The following MUC17 variants were observed in gnomAD, a reference collection of about 807,000 sequenced individuals.
The protein encoded by MUC17 is mucin-17.
Under a neutral mutation model 170.3 loss-of-function variants are expected in MUC17, and 190 were observed. The observed-to-expected ratio is 1.12, with a 90% CI of 0.99 to 1.26. MUC17 has a LOEUF of 1.26. MUC17 is among the 50% of genes most tolerant of loss of function. The probability of loss-of-function intolerance (pLI) is 0.00; values close to 1 mark genes in which losing one functional copy is unlikely to be tolerated. For synonymous variants in MUC17, 2,325 were observed against 2,002.5 expected, an observed-to-expected ratio of 1.16 and a Z score of -4.30; for missense variants, 6,415 against 5,530.0, an observed-to-expected ratio of 1.16 and a Z score of -5.08.
At position 101,056,206 on chromosome 7, in the gene MUC17, T is replaced by TCCA. The variant is rs1199846660; in HGVS notation, c.13379_13381dup (p.His4460dup). ...ATCCCTCCACAAGATGATGATTCCA[T>TCCA]CCACCTGGAGTCCATCTATAGTAAT... On this transcript the variant is annotated inframe_insertion, in exon 12 of 13. Coordinates refer to ENST00000306151, the MANE Select transcript of MUC17 (RefSeq NM_001040105.2). 2 of 1,613,878 alleles carry TCCA rather than the reference T, an allele frequency of 1.2e-6. No homozygotes were observed. Among genetic ancestry groups the TCCA allele is most frequent in the African/African-American group, 2.7e-5 (2 of 74,890 alleles).
In MUC17 at chr7:101,031,871, C is replaced by T. The variant is rs542185793; in HGVS notation, c.455C>T (p.Pro152Leu). Residue 152 changes from proline (P) to leucine (L), a missense_variant, in exon 3 of 13, where the codon CCA becomes CTA. Transcript: ENST00000306151. The part of the protein sequence containing the change: ...PEGTDVPMST[P>L]SEESISSTMA... ...GGCACCGACGTGCCCATGTCAACAC[C>T]AAGTGAAGAAAGCATTTCATCAACA... is the stretch of plus-strand genomic sequence containing the variant. 8.7e-6 allele frequency: 14 copies of T among 1,614,048 alleles called. No homozygotes were observed. In the Admixed American group the frequency reaches 2.2e-4, roughly 25 times the overall value.
rs775327460 is a variant in MUC17, at chr7:101,037,646, A to G, written c.6230A>G (p.Asn2077Ser). The stretch of plus-strand genomic sequence containing the variant: ...GTTGACTCCAAAACTCAGGTGACCA[A>G]TTCTACTGAAGCCAGTTCATCTGCA... ...TPVDSKTQVT[N>S]STEASSSATA... Residue 2077 changes from asparagine to serine, a missense_variant, in exon 3 of 13, where the codon AAT becomes AGT. Asn to Ser is a conservative substitution (Grantham distance 46). Transcript: ENST00000306151. The G allele has an allele frequency of 3.7e-6, 6 of 1,613,076 alleles. No individual in the cohort carries two copies.
rs547211487 is a variant in MUC17, at chr7:101,048,593, C to CA, written c.12536-244dup. On this transcript the variant is annotated intron_variant, in intron 4 of 12. Transcript: ENST00000306151. ...CCTGAGCAACAGAACAATACCCTGTCAAAAAAAAGAAAGAAGGAAGGAAGG... is the reference window on the plus strand; with the variant it reads ...CCTGAGCAACAGAACAATACCCTGTCAAAAAAAAAGAAAGAAGGAAGGAAGG... Among the ~76,000 whole-genome samples the CA allele has an allele frequency of 5.4e-3, 673 of 124,660 alleles. 5 individuals are homozygous for CA. Among genetic ancestry groups the CA allele is most frequent in the Middle Eastern group, 0.016 (4 of 248 alleles). The allele number at this position is 124,660 out of a possible 152,430, so 81.8% of individuals were successfully genotyped here.
At chr7:101,053,292 C>G in intron 10 of MUC17, 47 bp from the exon 11 acceptor site, 1 of 1,594,446 alleles carries the variant, frequency 6.3e-7, no homozygotes, top group Non-Finnish European at 8.6e-7. Context: ...GGTCCTTATT[C>G]CTGTTCCCCA....
In MUC17 at chr7:101,047,468, G is replaced by A. The variant is rs10281307; in HGVS notation, c.12404-516G>A. ...TTAGCCTCTCTCTGACTCACTTTGCGTATCTGTGAAGTGAGGATAATAGTA... is the reference window on the plus strand; with the variant it reads ...TTAGCCTCTCTCTGACTCACTTTGCATATCTGTGAAGTGAGGATAATAGTA... On this transcript the variant is annotated intron_variant, in intron 3 of 12. Transcript: ENST00000306151. 4.3e-3 allele frequency among the ~76,000 whole-genome samples: 652 copies of A among 152,270 alleles called. 6 individuals carry two copies. Among genetic ancestry groups the A allele is most frequent in the African/African-American group, 0.015 (623 of 41,554 alleles).
rs781068065 is a variant in MUC17, at chr7:101,039,393, C to T, written c.7977C>T (p.Asp2659=). Residue 2659 remains aspartate (D), a synonymous_variant, in exon 3 of 13, where the codon GAC becomes GAT. Transcript: ENST00000306151. ...GCACCCTTTCAACAACTCCTGTTGACACCAGGACACTTGTGACCACTTCCA... is the reference window on the plus strand; with the variant it reads ...GCACCCTTTCAACAACTCCTGTTGATACCAGGACACTTGTGACCACTTCCA... ...EASTLSTTPV[D]TRTLVTTSTG... is the part of the protein sequence containing the mutation. 4 of 1,611,734 alleles carry T rather than the reference C, an allele frequency of 2.5e-6. No homozygotes were observed. Among genetic ancestry groups the T allele is most frequent in the East Asian group, 4.5e-5 (2 of 44,808 alleles).
chr7:101,021,254 C>T (rs1050050637), intron 1 of MUC17, among the ~76,000 whole-genome samples: 2 of 140,154 alleles, frequency 1.4e-5, no homozygotes, highest in Non-Finnish European at 3.0e-5. Context: ...AGCGTGATGT[C>T]AGCCCACTGC....
intron 12 of MUC17, 32 bp downstream of exon 12, chr7:101,056,302 C>T (rs1795042033): frequency 6.2e-7 from 1 of 1,611,516 alleles, no homozygotes; most frequent in Admixed American, 1.7e-5. Flanking sequence ...TGCTGGCCTC[C>T]CCCAACCCTG....
chr7:101,043,652 C>T lies in MUC17; in HGVS notation c.12236C>T (p.Ala4079Val). Residue 4079 changes from alanine (A) to valine (V), a missense_variant, in exon 3 of 13, where the codon GCC becomes GTC. By Grantham distance (64) the Ala-to-Val change is moderately conservative. Coordinates refer to ENST00000306151, the MANE Select transcript of MUC17 (RefSeq NM_001040105.2). ...TCCAGTACACCTCCAACAACCTCTG[C>T]CTCCTCCACGACTGTGAACCCTGAG... ...AHSSTPPTTSASSTTVNPEAV... is the reference protein window; with the variant it reads ...AHSSTPPTTSVSSTTVNPEAV... 6.2e-7 allele frequency: 1 copy of T among 1,614,180 alleles called. No homozygotes were observed.
At position 101,040,216 on chromosome 7, in the gene MUC17, C is replaced by G; in HGVS notation, c.8800C>G (p.Leu2934Val). 5 of 1,611,490 alleles carry G rather than the reference C, an allele frequency of 3.1e-6. No individual in the cohort carries two copies. The highest frequency in any genetic ancestry group is 4.2e-6 in the Non-Finnish European group (5 of 1,179,252). Residue 2934 changes from leucine (L) to valine (V), a missense_variant, in exon 3 of 13, where the codon CTT becomes GTT. Leu to Val is a conservative substitution (Grantham distance 32). Transcript: ENST00000306151. ...SEVSTPLTSI[L>V]VSTVPVAGSE... ...AGTAAGTACTCCATTAACAAGTATA[C>G]TTGTCAGCACCGTGCCAGTGGCCGG...
chr7:101,030,295 T>C (rs997620255), intron 1 of MUC17, among the ~76,000 whole-genome samples: 6 of 151,348 alleles, frequency 4.0e-5, no homozygotes, highest in African/African-American at 1.5e-4. Context: ...TGATCTTGGC[T>C]CACTGCAACC....
In MUC17 at chr7:101,036,011, A is replaced by G; in HGVS notation, c.4595A>G (p.Asn1532Ser). ...ACAACAGTGGCCAGTTCTGAAATCAACAGCCTTTCAACAACTCCTGCTGTC... is the reference window on the plus strand; with the variant it reads ...ACAACAGTGGCCAGTTCTGAAATCAGCAGCCTTTCAACAACTCCTGCTGTC... ...STTTVASSEI[N>S]SLSTTPAVTS... Residue 1532 changes from asparagine (N) to serine (S), a missense_variant, in exon 3 of 13, where the codon AAC (asparagine) becomes AGC (serine). Coordinates refer to ENST00000306151, the MANE Select transcript of MUC17 (RefSeq NM_001040105.2). 1.2e-6 allele frequency: 2 copies of G among 1,611,364 alleles called. No individual in the cohort carries two copies. The highest frequency in any genetic ancestry group is 8.5e-7 in the Non-Finnish European group (1 of 1,178,472).
intron 9 of MUC17, 50 bp from the exon 10 acceptor site, chr7:101,052,936 G>A (rs1174277479): frequency 6.3e-7 from 1 of 1,580,696 alleles, no homozygotes; most frequent in African/African-American, 1.3e-5. Flanking sequence ...TCTGAAGCTG[G>A]TGCTGACTCC....
In MUC17 at chr7:101,051,788, T is replaced by G; in HGVS notation, c.12944-15T>G. The G allele has an allele frequency of 1.2e-6, 2 of 1,611,856 alleles. No homozygotes were observed. The highest frequency in any genetic ancestry group is 1.7e-6 in the Non-Finnish European group (2 of 1,178,386). ...TCTGATCACGGCTGTTCCCTGTCCC[T>G]GCACCCCCCACCAGAGGACTGCCGG... On this transcript the variant is annotated splice_polypyrimidine_tract_variant and intron_variant, in intron 8 of 12. Coordinates refer to ENST00000306151, the MANE Select transcript of MUC17 (RefSeq NM_001040105.2).
intron 3 of MUC17, among the ~76,000 whole-genome samples, chr7:101,046,724 G>C (rs574229520): frequency 3.4e-4 from 52 of 152,214 alleles, no homozygotes; most frequent in Middle Eastern, 3.4e-3. Flanking sequence ...GCTGTAGTGA[G>C]CTATGATTGC....
In MUC17 at chr7:101,033,370, A is replaced by G; in HGVS notation, c.1954A>G (p.Thr652Ala). 1 of 1,613,348 alleles carries G rather than the reference A, an allele frequency of 6.2e-7. No individual in the cohort carries two copies. The highest frequency in any genetic ancestry group is 8.5e-7 in the Non-Finnish European group (1 of 1,179,674). Residue 652 changes from threonine to alanine, a missense_variant, in exon 3 of 13, where the codon ACT (threonine) becomes GCT (alanine). Transcript: ENST00000306151. Reference protein sequence around the residue: ...ASSEASTLSTTPVDSNTPVTT... With the variant: ...ASSEASTLSTAPVDSNTPVTT... ...TTCTGAGGCTAGCACCCTTTCAACAACTCCTGTTGACTCCAACACTCCTGT... is the reference window on the plus strand; with the variant it reads ...TTCTGAGGCTAGCACCCTTTCAACAGCTCCTGTTGACTCCAACACTCCTGT...
At chr7:101,029,646 C>T (rs71557214) in intron 1 of MUC17, among the ~76,000 whole-genome samples, 22,714 of 151,294 alleles carry the variant, frequency 0.15, 1,959 homozygotes, top group South Asian at 0.28. Flanking sequence ...TTGGCCAGGC[C>T]GGAGTGCAGT....
Position 101,043,130 on chromosome 7 carries a change from CT to C in MUC17, c.11718del (p.Phe3906LeufsTer15). ...ASTPPLDTST[T>X]FTPSTDTAST... ...ACACCTCCTCTTGACACAAGCACAA[CT>C]TTTACCCCTTCTACTGACACTGCCT... On this transcript the variant is annotated frameshift_variant, in exon 3 of 13. Coordinates refer to ENST00000306151, the MANE Select transcript of MUC17 (RefSeq NM_001040105.2). LOFTEE classifies it high-confidence loss of function. 2 of 1,614,176 alleles carry C rather than the reference CT, an allele frequency of 1.2e-6. No homozygotes were observed. Among genetic ancestry groups the C allele is most frequent in the South Asian group, 1.1e-5 (1 of 91,086 alleles).
At position 101,037,427 on chromosome 7, in the gene MUC17, C is replaced by T; in HGVS notation, c.6011C>T (p.Thr2004Ile). The change falls in exon 3 of 13, where the codon ACT becomes ATT. Residue 2004 changes from threonine (T) to isoleucine (I), a missense_variant. Coordinates refer to ENST00000306151, the MANE Select transcript of MUC17 (RefSeq NM_001040105.2). The part of the protein sequence containing the change: ...TTLVVSSEAS[T>I]LSTTPVDTST... ...CTGGTGGTCAGTTCTGAGGCTAGCACTCTTTCCACAACTCCTGTTGACACC... is the reference window on the plus strand; with the variant it reads ...CTGGTGGTCAGTTCTGAGGCTAGCATTCTTTCCACAACTCCTGTTGACACC... 2 of 1,611,524 alleles carry T rather than the reference C, an allele frequency of 1.2e-6. No individual in the cohort carries two copies. Among genetic ancestry groups the T allele is most frequent in the Admixed American group, 1.7e-5 (1 of 59,970 alleles).
Sources: gnomAD v4.1 joint callset for allele counts (sites outside exome capture counted in the v4.1 genomes callset) on GRCh38, gnomAD v4.1.1 for gene constraint, MANE v1.5 for transcripts, NCBI Gene and HGNC (gene_info 2026-07-23, HGNC 2026-07-21) for gene names.